SLC24A3: variants seen among roughly 807,000 people sequenced by gnomAD.
The protein encoded by SLC24A3 is solute carrier family 24 member 3.
In SLC24A3, 28 loss-of-function variants were observed where a neutral mutation model predicts 75.8. The observed-to-expected ratio is 0.37, with a 90% CI of 0.27 to 0.51. SLC24A3 has a LOEUF of 0.51. Ranked by LOEUF, SLC24A3 falls within the 20% of genes least tolerant of loss-of-function variation. The pLI is 0.94. For missense variants in SLC24A3, 663 were observed against 847.8 expected (o/e 0.78, Z 2.71); for synonymous variants, 372 against 334.1 (o/e 1.11, Z -1.24).
intron 3 of SLC24A3, among the ~76,000 whole-genome samples, chr20:19,575,254 CAAAAAAAAAA>C (rs34789411): frequency 1.5e-4 from 11 of 72,622 alleles, no homozygotes; most frequent in African/African-American, 3.3e-4. Flanking sequence ...GAGACACTCT[CAAAAAAAAAA>C]AAAAAAAAAA....
At chr20:19,367,051 C>A (rs915317843) in intron 2 of SLC24A3, among the ~76,000 whole-genome samples, 2 of 152,236 alleles carry the variant, frequency 1.3e-5, no homozygotes, top group Non-Finnish European at 2.9e-5. Flanking sequence ...GGTACAACAG[C>A]CACTTGCCAA....
intron 3 of SLC24A3, among the ~76,000 whole-genome samples, chr20:19,517,336 C>A (rs543076624): frequency 2.0e-5 from 3 of 152,274 alleles, no homozygotes; most frequent in Admixed American, 2.0e-4. Flanking sequence ...GAGATGTTGT[C>A]GCCTGCAGCT....
intron 2 of SLC24A3, among the ~76,000 whole-genome samples, chr20:19,285,351 G>C (rs1429172281): frequency 6.6e-6 from 1 of 151,736 alleles, no homozygotes; most frequent in African/African-American, 2.4e-5. Flanking sequence ...GGTGGTGTGA[G>C]TCTGTGGTCC....
intron 6 of SLC24A3, among the ~76,000 whole-genome samples, chr20:19,622,062 C>T (rs1313482006): frequency 1.3e-5 from 2 of 152,160 alleles, no homozygotes; most frequent in Admixed American, 1.3e-4. Context: ...TGTGCACTTG[C>T]AGAGTCAGGG....
intron 2 of SLC24A3, among the ~76,000 whole-genome samples, chr20:19,344,804 C>T (rs148124183): frequency 6.2e-4 from 94 of 152,272 alleles, no homozygotes; most frequent in Non-Finnish European, 1.2e-3. Flanking sequence ...AGCTCCCAGA[C>T]AAGGAAGATT....
At chr20:19,413,902 T>G (rs1211824981) in intron 2 of SLC24A3, among the ~76,000 whole-genome samples, 2 of 152,236 alleles carry the variant, frequency 1.3e-5, no homozygotes, top group African/African-American at 2.4e-5. Flanking sequence ...CTGGGAAATG[T>G]TTGAAACCAA....
intron 6 of SLC24A3, among the ~76,000 whole-genome samples, chr20:19,588,097 AAC>A (rs1316369695): frequency 1.3e-5 from 2 of 152,194 alleles, no homozygotes; most frequent in African/African-American, 4.8e-5. Flanking sequence ...TTCGTAGAAA[AAC>A]AGTCTCAAAG....
chr20:19,492,964 G>C (rs931167531), intron 2 of SLC24A3, among the ~76,000 whole-genome samples: 2 of 150,744 alleles, frequency 1.3e-5, no homozygotes, highest in Non-Finnish European at 3.0e-5. Flanking sequence ...AAGCAGTTCA[G>C]AGTATGGTAT....
chr20:19,551,004 T>A (rs2030685272), intron 3 of SLC24A3, among the ~76,000 whole-genome samples: 1 of 152,240 alleles, frequency 6.6e-6, no homozygotes, highest in South Asian at 2.1e-4. Context: ...ATCTTTAGCG[T>A]GCTGTTTGGC....
intron 6 of SLC24A3, among the ~76,000 whole-genome samples, chr20:19,633,046 G>A (rs1293222873): frequency 6.6e-6 from 1 of 152,200 alleles, no homozygotes; most frequent in Non-Finnish European, 1.5e-5. Context: ...TGGCTCCATT[G>A]CTGGGCATGT....
intron 2 of SLC24A3, among the ~76,000 whole-genome samples, chr20:19,357,390 A>G (rs919924832): frequency 1.3e-5 from 2 of 152,232 alleles, no homozygotes; most frequent in African/African-American, 4.8e-5. Context: ...AAGCAAATTC[A>G]TGGATCAAAT....
chr20:19,683,534 G>T (rs753379019), intron 10 of SLC24A3, among the ~76,000 whole-genome samples: 9 of 152,208 alleles, frequency 5.9e-5, no homozygotes, highest in Non-Finnish European at 1.2e-4. Flanking sequence ...ACACTTGTCA[G>T]CTCTGCTCAT....
intron 6 of SLC24A3, among the ~76,000 whole-genome samples, chr20:19,650,478 A>T (rs890683577): frequency 1.3e-5 from 2 of 151,824 alleles, no homozygotes; most frequent in Non-Finnish European, 2.9e-5. Flanking sequence ...CCATTTCCCC[A>T]CTCTTCTAAG....
intron 2 of SLC24A3, among the ~76,000 whole-genome samples, chr20:19,352,239 G>A (rs1028284576): frequency 2.2e-4 from 33 of 152,152 alleles, no homozygotes; most frequent in African/African-American, 6.5e-4. Context: ...AAAGCCCCCA[G>A]GGCAGAGTGG....
At chr20:19,336,922 A>G (rs1256296829) in intron 2 of SLC24A3, among the ~76,000 whole-genome samples, 2 of 152,114 alleles carry the variant, frequency 1.3e-5, no homozygotes, top group Non-Finnish European at 2.9e-5. Flanking sequence ...CCAGCACATC[A>G]TGTTAATTCA....
At chr20:19,338,740 G>A (rs8114946) in intron 2 of SLC24A3, among the ~76,000 whole-genome samples, 13,885 of 152,130 alleles carry the variant, frequency 0.091, 1,642 homozygotes, top group African/African-American at 0.27. Flanking sequence ...TACATCAATA[G>A]AATAGGAGTA....
intron 1 of SLC24A3, among the ~76,000 whole-genome samples, chr20:19,220,970 C>T (rs1178117540): frequency 1.3e-5 from 2 of 152,204 alleles, no homozygotes; most frequent in African/African-American, 4.8e-5. Flanking sequence ...ACTTAAATTT[C>T]CTGTCCTGGA....
chr20:19,300,562 G>T (rs1032669630), intron 2 of SLC24A3, among the ~76,000 whole-genome samples: 8 of 152,208 alleles, frequency 5.3e-5, no homozygotes, highest in Non-Finnish European at 8.8e-5. Context: ...AGTGTGGTCT[G>T]GTTTGTTATG....
chr20:19,341,069 G>A (rs1289122748), intron 2 of SLC24A3, among the ~76,000 whole-genome samples: 2 of 152,220 alleles, frequency 1.3e-5, no homozygotes, highest in East Asian at 3.9e-4. Flanking sequence ...GTCTGGCTGG[G>A]ATGGCCCAGA....
Sources: gnomAD v4.1 joint callset for allele counts (sites outside exome capture counted in the v4.1 genomes callset) on GRCh38, gnomAD v4.1.1 for gene constraint, MANE v1.5 for transcripts, NCBI Gene and HGNC (gene_info 2026-07-23, HGNC 2026-07-21) for gene names.